CYTH3: variants seen among roughly 807,000 people sequenced by gnomAD.
CYTH3 encodes cytohesin 3, also known as cytohesin-3.
Under a neutral mutation model 55.1 loss-of-function variants are expected in CYTH3, and 23 were observed. The ratio of observed to expected loss-of-function variants is 0.42; its 90% CI spans 0.30 to 0.59. The LOEUF (loss-of-function observed/expected upper bound fraction) is 0.59, where lower values mean the gene tolerates loss of function less well. Ranked by LOEUF, CYTH3 falls within the 20% of genes least tolerant of loss-of-function variation. The pLI is 0.20. For missense variants in CYTH3, 413 were observed against 524.8 expected (o/e 0.79, Z 2.08); for synonymous variants, 249 against 194.9 (o/e 1.28, Z -2.31).
At chr7:6,197,062 C>A (rs897870934) in intron 1 of CYTH3, among the ~76,000 whole-genome samples, 1 of 152,122 alleles carries the variant, frequency 6.6e-6, no homozygotes, top group Non-Finnish European at 1.5e-5. Context: ...AGAGTGAAGA[C>A]GTACAAAGTG....
At chr7:6,249,105 AAG>A (rs1334420403) in intron 1 of CYTH3, among the ~76,000 whole-genome samples, 1 of 152,078 alleles carries the variant, frequency 6.6e-6, no homozygotes, top group Non-Finnish European at 1.5e-5. Context: ...AAATGCGATG[AAG>A]CTAGCTATGT....
At chr7:6,199,232 G>C (rs1784005925) in intron 1 of CYTH3, among the ~76,000 whole-genome samples, 2 of 152,326 alleles carry the variant, frequency 1.3e-5, no homozygotes, top group East Asian at 3.9e-4. Context: ...GAGACTCACA[G>C]TTGTTGAGGT....
chr7:6,183,593 G>C (rs1166407364), intron 4 of CYTH3, among the ~76,000 whole-genome samples: 1 of 152,180 alleles, frequency 6.6e-6, no homozygotes, highest in Admixed American at 6.5e-5. Context: ...ATCCTAGCTG[G>C]AAGGAATTTA....
intron 1 of CYTH3, among the ~76,000 whole-genome samples, chr7:6,237,665 C>T (rs769689158): frequency 2.6e-5 from 4 of 152,014 alleles, no homozygotes; most frequent in Non-Finnish European, 5.9e-5. Flanking sequence ...GCCCAGATCG[C>T]GCCACTGCAC....
At chr7:6,179,733 A>ACCCACCACACACACCCCACACC (rs1783442143) in intron 4 of CYTH3, among the ~76,000 whole-genome samples, 3 of 92,808 alleles carry the variant, frequency 3.2e-5, no homozygotes, top group African/African-American at 4.5e-5. Context: ...ACACACACAC[A>ACCCACCACACACACCCCACACC]CCCACCACAC....
At chr7:6,186,820 C>T (rs1783664717) in intron 4 of CYTH3, among the ~76,000 whole-genome samples, 1 of 152,198 alleles carries the variant, frequency 6.6e-6, no homozygotes, top group Non-Finnish European at 1.5e-5. Flanking sequence ...CCTCACCCAG[C>T]AGCTCACTCT....
intron 4 of CYTH3, among the ~76,000 whole-genome samples, chr7:6,178,296 G>A (rs114471635): frequency 1.0e-3 from 156 of 152,366 alleles, no homozygotes; most frequent in African/African-American, 3.6e-3. Flanking sequence ...GGAAAACTTT[G>A]TGGGTGGTGG....
At chr7:6,217,694 A>G (rs1346022851) in intron 1 of CYTH3, among the ~76,000 whole-genome samples, 4 of 152,146 alleles carry the variant, frequency 2.6e-5, no homozygotes, top group African/African-American at 9.7e-5. Context: ...CAACCAACAA[A>G]GTCTCAGAAA....
chr7:6,247,037 T>C (rs917521322), intron 1 of CYTH3, among the ~76,000 whole-genome samples: 9 of 152,210 alleles, frequency 5.9e-5, no homozygotes, highest in African/African-American at 9.6e-5. Flanking sequence ...AAAAAGCTGA[T>C]GGCCTTAAAC....
Position 6,167,184 on chromosome 7 carries a change from G to A in CYTH3, c.824-1374C>T, listed in dbSNP as rs539688496. 2.2e-4 allele frequency among the ~76,000 whole-genome samples: 33 copies of A among 152,192 alleles called. No individual in the cohort carries two copies. The highest frequency in any genetic ancestry group is 1.5e-3 in the East Asian group (8 of 5,168). On this transcript the variant is annotated intron_variant, in intron 9 of 12. Coordinates refer to ENST00000350796, the MANE Select transcript of CYTH3 (RefSeq NM_004227.4). The surrounding 1 kb of genome is among the most constrained non-coding windows in gnomAD (Gnocchi z 5.5). Reference sequence around the variant, plus strand: ...TGCCCTCGTGTCCCTGTCTCACCGCGGGCTCCATGCTCTCTGCAAGCCCTT... The same window carrying A: ...TGCCCTCGTGTCCCTGTCTCACCGCAGGCTCCATGCTCTCTGCAAGCCCTT...
intron 9 of CYTH3, among the ~76,000 whole-genome samples, chr7:6,168,650 C>A (rs80353565): frequency 4.6e-5 from 7 of 152,218 alleles, no homozygotes; most frequent in African/African-American, 1.7e-4. Flanking sequence ...GCTTGGCACC[C>A]GGCGCCCAGC....
chr7:6,168,199 G>A (rs1259280692), intron 9 of CYTH3, among the ~76,000 whole-genome samples: 3 of 151,536 alleles, frequency 2.0e-5, no homozygotes, highest in Admixed American at 6.6e-5. Flanking sequence ...ATGGCAGCTC[G>A]GATTGGGCCA....
rs201932588 is a variant in CYTH3, at chr7:6,165,228, G to T, written c.1127+45C>A. The T allele has an allele frequency of 1.4e-5, 22 of 1,583,130 alleles. No individual in the cohort carries two copies. In the East Asian group the frequency reaches 2.5e-4, roughly 18 times the overall value. ...CCAGACCATCCCCCGCCCTCCAACCGGCACGAGAAGACGGGCCTGGCCCCG... is the reference window on the plus strand; with the variant it reads ...CCAGACCATCCCCCGCCCTCCAACCTGCACGAGAAGACGGGCCTGGCCCCG... On this transcript the variant is annotated intron_variant, in intron 12 of 12. Transcript: ENST00000350796.
At chr7:6,246,326 C>T (rs1779815183) in intron 1 of CYTH3, among the ~76,000 whole-genome samples, 2 of 151,954 alleles carry the variant, frequency 1.3e-5, no homozygotes, top group Non-Finnish European at 2.9e-5. Context: ...GCCTCAACTC[C>T]CAAAACCGTG....
rs202043499 is a variant in CYTH3, at chr7:6,178,378, T to C, written c.250-437A>G. On this transcript the variant is annotated intron_variant, in intron 4 of 12. Coordinates refer to ENST00000350796, the MANE Select transcript of CYTH3 (RefSeq NM_004227.4). ...GCGGGTGGTGCTGGTCCCCGCTCCC[T>C]GCCACCCCCTTCACTAGAGAGGGAG... 5.3e-5 allele frequency among the ~76,000 whole-genome samples: 8 copies of C among 152,342 alleles called. No individual in the cohort carries two copies. The East Asian group carries it at 1.5e-3, about 29-fold the overall frequency.
chr7:6,214,739 C>T (rs900840403), intron 1 of CYTH3, among the ~76,000 whole-genome samples: 2 of 152,072 alleles, frequency 1.3e-5, no homozygotes, highest in Non-Finnish European at 2.9e-5. Context: ...GTGTTGTTTC[C>T]TTCTCATCTA....
chr7:6,173,021 G>A (rs759529276), intron 6 of CYTH3: 20 of 1,078,498 alleles, frequency 1.9e-5, no homozygotes, highest in Non-Finnish European at 2.1e-5. Context: ...AGGGCCGGCT[G>A]AGGCGACTCC....
chr7:6,264,271 G>T (rs931269212), intron 1 of CYTH3, among the ~76,000 whole-genome samples: 3 of 151,390 alleles, frequency 2.0e-5, no homozygotes, highest in Non-Finnish European at 2.9e-5. Context: ...ACAAAAAGGA[G>T]ACCTGTACAT....
intron 3 of CYTH3, 102 bp from the exon 4 acceptor site, chr7:6,187,218 A>G (rs1268532176): frequency 2.3e-6 from 3 of 1,309,700 alleles, no homozygotes; most frequent in Non-Finnish European, 3.3e-6. Context: ...GGGCTCAAGG[A>G]AGCGAAGCAC....
Sources: allele counts gnomAD v4.1 joint callset (sites outside exome capture counted in the v4.1 genomes callset), GRCh38; gene constraint gnomAD v4.1.1; non-coding constraint Gnocchi (gnomAD v3.1); transcripts MANE v1.5; gene names NCBI Gene and HGNC (gene_info 2026-07-23, HGNC 2026-07-21).